The following SPAG16 variants were observed in gnomAD, a reference collection of about 807,000 sequenced individuals.
SPAG16 encodes the protein sperm associated antigen 16.
A neutral mutation model predicts 80.4 loss-of-function variants in SPAG16; 86 were observed. The ratio of observed to expected loss-of-function variants is 1.07; its 90% confidence interval spans 0.90 to 1.28. SPAG16 has a LOEUF of 1.28. Among genes scored for constraint, SPAG16 ranks in the 50% most tolerant of loss-of-function variants. The pLI is 0.00. For missense variants in SPAG16, 870 were observed against 765.3 expected (o/e 1.14, Z -1.61); for synonymous variants, 294 against 265.9 (o/e 1.11, Z -1.03).
intron 12 of SPAG16, among the ~76,000 whole-genome samples, chr2:213,951,274 A>G (rs1401666054): frequency 1.3e-5 from 2 of 152,322 alleles, no homozygotes; most frequent in African/African-American, 2.4e-5. Flanking sequence ...AAAAGCTTGT[A>G]GCATTTAAAA....
intron 10 of SPAG16, among the ~76,000 whole-genome samples, chr2:213,861,966 G>A (rs1488461288): frequency 6.6e-6 from 1 of 152,128 alleles, no homozygotes; most frequent in African/African-American, 2.4e-5. Context: ...TTCACTTTGT[G>A]TAGATAGTGG....
intron 15 of SPAG16, among the ~76,000 whole-genome samples, chr2:214,219,955 G>T (rs201587303): frequency 3.4e-5 from 2 of 58,486 alleles, no homozygotes; most frequent in Non-Finnish European, 1.4e-4. Context: ...AGCAAAACCT[G>T]TTGGCAGGTT....
chr2:214,340,211 G>GACCC (rs2126029039), intron 15 of SPAG16, among the ~76,000 whole-genome samples: 1 of 152,220 alleles, frequency 6.6e-6, no homozygotes, highest in South Asian at 2.1e-4. Flanking sequence ...TTTGACGATA[G>GACCC]ACCCACACTA....
chr2:213,442,313 G>A (rs1042571290), intron 9 of SPAG16, among the ~76,000 whole-genome samples: 1 of 152,166 alleles, frequency 6.6e-6, no homozygotes, highest in Non-Finnish European at 1.5e-5. Context: ...TTCATAATTA[G>A]CAAGACTCAA....
intron 10 of SPAG16, among the ~76,000 whole-genome samples, chr2:213,846,812 A>G (rs781535606): frequency 4.6e-5 from 7 of 152,172 alleles, no homozygotes; most frequent in Admixed American, 2.0e-4. Flanking sequence ...TTATCGCTTC[A>G]CAGTTATGTA....
At chr2:213,496,109 G>T (rs769033695) in intron 10 of SPAG16, among the ~76,000 whole-genome samples, 2 of 152,104 alleles carry the variant, frequency 1.3e-5, no homozygotes, top group Admixed American at 6.5e-5. Flanking sequence ...CTGTTATAGG[G>T]GTCAAGAATA....
intron 10 of SPAG16, among the ~76,000 whole-genome samples, chr2:213,821,201 A>C (rs1390358931): frequency 6.6e-6 from 1 of 151,988 alleles, no homozygotes; most frequent in Non-Finnish European, 1.5e-5. Flanking sequence ...TATTAAATTT[A>C]TTTTCTAACT....
intron 9 of SPAG16, among the ~76,000 whole-genome samples, chr2:213,424,664 A>G (rs2069798058): frequency 6.6e-6 from 1 of 152,238 alleles, no homozygotes; most frequent in African/African-American, 2.4e-5. Flanking sequence ...TAGTACATTT[A>G]TGCACCATTA....
intron 12 of SPAG16, among the ~76,000 whole-genome samples, chr2:213,974,006 G>A (rs541466408): frequency 9.9e-5 from 15 of 152,206 alleles, no homozygotes; most frequent in African/African-American, 3.4e-4. Flanking sequence ...GGGGAGTCAG[G>A]AAAAGATTAA....
chr2:213,404,839 T>C (rs915206521), intron 9 of SPAG16, among the ~76,000 whole-genome samples: 1 of 149,260 alleles, frequency 6.7e-6, no homozygotes, highest in Non-Finnish European at 1.5e-5. Context: ...TTTGATTCTT[T>C]AAAATTTTTT....
chr2:213,461,175 A>G (rs2072335445), intron 9 of SPAG16, among the ~76,000 whole-genome samples: 1 of 152,160 alleles, frequency 6.6e-6, no homozygotes, highest in South Asian at 2.1e-4. Flanking sequence ...CTAGTAGCTC[A>G]TAGGTGAATG....
intron 10 of SPAG16, among the ~76,000 whole-genome samples, chr2:213,677,056 C>G (rs2064120542): frequency 6.6e-6 from 1 of 152,040 alleles, no homozygotes; most frequent in Non-Finnish European, 1.5e-5. Flanking sequence ...TGCCACATTT[C>G]AGCTCCTGTT....
intron 3 of SPAG16, among the ~76,000 whole-genome samples, chr2:213,297,912 A>G (rs1240342835): frequency 6.6e-6 from 1 of 152,150 alleles, no homozygotes; most frequent in East Asian, 1.9e-4. Flanking sequence ...GATGGCAAAA[A>G]TATTTTTAAA....
At chr2:214,008,951 G>T (rs867502294) in intron 12 of SPAG16, among the ~76,000 whole-genome samples, 1 of 152,076 alleles carries the variant, frequency 6.6e-6, no homozygotes, top group African/African-American at 2.4e-5. Context: ...AACCTTACCC[G>T]TACCCCTATA....
intron 15 of SPAG16, among the ~76,000 whole-genome samples, chr2:214,227,982 C>T (rs1688398924): frequency 6.6e-6 from 1 of 151,788 alleles, no homozygotes; most frequent in Admixed American, 6.6e-5. Context: ...TGGTTATTTA[C>T]AGTGTTTTCT....
chr2:213,360,535 G>A (rs2065917849), intron 7 of SPAG16, among the ~76,000 whole-genome samples: 1 of 152,206 alleles, frequency 6.6e-6, no homozygotes, highest in Admixed American at 6.5e-5. Flanking sequence ...GTGTGTCCTT[G>A]TGGAACAAGT....
intron 5 of SPAG16, among the ~76,000 whole-genome samples, chr2:213,323,846 G>T (rs2063735044): frequency 6.6e-6 from 1 of 152,176 alleles, no homozygotes; most frequent in Non-Finnish European, 1.5e-5. Flanking sequence ...GAACCTTGAG[G>T]ACACTATGGT....
chr2:213,573,699 C>T (rs985934813), intron 10 of SPAG16, among the ~76,000 whole-genome samples: 1 of 152,006 alleles, frequency 6.6e-6, no homozygotes, highest in Non-Finnish European at 1.5e-5. Flanking sequence ...ATGATTTCTT[C>T]TACTATTTTT....
intron 10 of SPAG16, among the ~76,000 whole-genome samples, chr2:213,523,098 C>T (rs2075745273): frequency 6.6e-6 from 1 of 152,038 alleles, no homozygotes; most frequent in Non-Finnish European, 1.5e-5. Flanking sequence ...ATTGTAGTTC[C>T]CATAATCCTC....
Sources: allele counts gnomAD v4.1 joint callset (sites outside exome capture counted in the v4.1 genomes callset), GRCh38; gene constraint gnomAD v4.1.1; transcripts MANE v1.5; gene names NCBI Gene and HGNC (gene_info 2026-07-23, HGNC 2026-07-21).